Variants in NDC1 observed in about 807,000 individuals in gnomAD.
NDC1 encodes nucleoporin NDC1.
In NDC1, 24 loss-of-function variants were observed where a neutral mutation model predicts 89.8. That is an observed-to-expected ratio of 0.27 (90% CI 0.19 to 0.38). The LOEUF (loss-of-function observed/expected upper bound fraction) is 0.38. NDC1 is among the 10% of genes least tolerant of loss of function. The pLI, the probability that NDC1 is intolerant of heterozygous loss-of-function variation, is 1.00. For missense variants in NDC1, 728 were observed against 797.6 expected, an observed-to-expected ratio of 0.91 and a Z score of 1.05; for synonymous variants, 296 against 284.8, an observed-to-expected ratio of 1.04 and a Z score of -0.39.
chr1:53,796,813 A>T lies in NDC1; in HGVS notation c.1469-9T>A, dbSNP rs770178997. On this transcript the variant is annotated splice_polypyrimidine_tract_variant and intron_variant, in intron 12 of 17. Coordinates refer to ENST00000371429, the MANE Select transcript of NDC1 (RefSeq NM_018087.5). The stretch of plus-strand genomic sequence containing the variant: ...TTCAGTCATTTGCTGATCTATTTTT[A>T]AAAAAGAAAAGGCAAGATAAGAACT... 33 of 1,603,216 alleles carry T rather than the reference A, an allele frequency of 2.1e-5. No homozygotes were observed. The South Asian group carries it at 2.9e-4, about 14-fold the overall frequency.
intron 16 of NDC1, among the ~76,000 whole-genome samples, chr1:53,778,216 A>T (rs570425661): frequency 3.3e-4 from 50 of 151,768 alleles, no homozygotes; most frequent in Non-Finnish European, 5.2e-4. Flanking sequence ...TCTACCTCAG[A>T]TACCAAAAGG....
intron 7 of NDC1, 86 bp downstream of exon 7, chr1:53,809,609 A>G: frequency 9.4e-7 from 1 of 1,063,128 alleles, no homozygotes; most frequent in Non-Finnish European, 1.4e-6. Context: ...TGTTAAAGGC[A>G]AAATCTAAAC....
chr1:53,781,104 C>T (rs1233407303), intron 16 of NDC1, among the ~76,000 whole-genome samples: 1 of 152,078 alleles, frequency 6.6e-6, no homozygotes, highest in Non-Finnish European at 1.5e-5. Context: ...TATCCTCCTG[C>T]CTCAGCCTCT....
chr1:53,782,618 C>CTCTT (rs1557567183), intron 16 of NDC1, among the ~76,000 whole-genome samples: 3 of 152,312 alleles, frequency 2.0e-5, no homozygotes, highest in South Asian at 4.1e-4. Context: ...GGAGCAAGGG[C>CTCTT]TCTTACATTG....
chr1:53,827,161 G>C (rs1333065244), intron 4 of NDC1, among the ~76,000 whole-genome samples: 1 of 151,308 alleles, frequency 6.6e-6, no homozygotes. Context: ...TTATATAATA[G>C]TAGCTGGAGG....
chr1:53,814,115 A>G (rs1455722045), intron 6 of NDC1, among the ~76,000 whole-genome samples: 1 of 152,208 alleles, frequency 6.6e-6, no homozygotes, highest in Non-Finnish European at 1.5e-5. Context: ...GCACTTTGGG[A>G]GGCCAAGGCG....
chr1:53,775,109 T>C (rs866683650), intron 16 of NDC1, among the ~76,000 whole-genome samples: 1 of 152,228 alleles, frequency 6.6e-6, no homozygotes, highest in Non-Finnish European at 1.5e-5. Context: ...GTATCTCTAA[T>C]AGGTTCTAGC....
chr1:53,804,601 C>T (rs1486439106), intron 9 of NDC1, among the ~76,000 whole-genome samples: 4 of 152,200 alleles, frequency 2.6e-5, no homozygotes, highest in East Asian at 1.9e-4. Context: ...CTCAGCCTCC[C>T]GAGTGGCTGG....
intron 17 of NDC1, among the ~76,000 whole-genome samples, chr1:53,770,648 A>G (rs1647104758): frequency 6.6e-6 from 1 of 150,498 alleles, no homozygotes; most frequent in Non-Finnish European, 1.5e-5. Context: ...TCAGTCATCT[A>G]TATCTCTTTT....
chr1:53,807,761 A>C lies in NDC1; in HGVS notation c.786T>G (p.Ser262Arg). Residue 262 changes from serine to arginine, a missense_variant, in exon 8 of 18, where the codon AGT (serine) becomes AGG (arginine). Coordinates refer to ENST00000371429, the MANE Select transcript of NDC1 (RefSeq NM_018087.5). ...EQVHRPLDTV[S>R]GLLNLSLLYH... The stretch of plus-strand genomic sequence containing the variant: ...AGAGTAACGAGAGATTTAAGAGGCC[A>C]CTCACTGTGTCAAGTGGCCTATGAA... 6.2e-7 allele frequency: 1 copy of C among 1,613,288 alleles called. No individual in the cohort carries two copies. The highest frequency in any genetic ancestry group is 8.5e-7 in the Non-Finnish European group (1 of 1,179,750).
rs188032699 is a variant in NDC1 at position 53,831,142 on chromosome 1, G to A, written c.280+1348C>T. Reference sequence around the variant, plus strand: ...TGGGAGGCTGAGGCGGGAGAACGGCGTGAACCTAGGAGGCAGAGCTTGCAG... The same window carrying A: ...TGGGAGGCTGAGGCGGGAGAACGGCATGAACCTAGGAGGCAGAGCTTGCAG... On this transcript the variant is annotated intron_variant, in intron 3 of 17. Coordinates refer to ENST00000371429, the MANE Select transcript of NDC1 (RefSeq NM_018087.5). 4.1e-5 allele frequency among the ~76,000 whole-genome samples: 6 copies of A among 147,480 alleles called. No individual in the cohort carries two copies. In the East Asian group the frequency reaches 8.5e-4, roughly 21 times the overall value.
intron 14 of NDC1, among the ~76,000 whole-genome samples, chr1:53,790,302 T>A (rs1261368764): frequency 6.7e-6 from 1 of 148,172 alleles, no homozygotes; most frequent in East Asian, 2.0e-4. Flanking sequence ...GAGGCAGAGG[T>A]TGTAATGAGC....
At chr1:53,814,023 T>G (rs868817345) in intron 6 of NDC1, among the ~76,000 whole-genome samples, 2 of 152,210 alleles carry the variant, frequency 1.3e-5, no homozygotes, top group African/African-American at 2.4e-5. Flanking sequence ...TGCTCCTGAA[T>G]GAGCACTGGG....
intron 6 of NDC1, among the ~76,000 whole-genome samples, chr1:53,812,402 T>C (rs950969578): frequency 1.3e-5 from 2 of 151,994 alleles, no homozygotes; most frequent in African/African-American, 4.8e-5. Context: ...TAGAAATAGA[T>C]AGCTTAAAGA....
chr1:53,786,798 A>G lies in NDC1; in HGVS notation c.1800+360T>C, dbSNP rs566964757. On this transcript the variant is annotated intron_variant, in intron 16 of 17. Coordinates refer to ENST00000371429, the MANE Select transcript of NDC1 (RefSeq NM_018087.5). ...CTGCAGCCTCAAACTCCTGGCTCCA[A>G]CGATCCTCCCACCTCGGGCTCCTGA... 6.7e-4 allele frequency among the ~76,000 whole-genome samples: 102 copies of G among 152,226 alleles called. 1 individual carries two copies. Among genetic ancestry groups the G allele is most frequent in the Admixed American group, 1.4e-3 (21 of 15,284 alleles).
intron 16 of NDC1, among the ~76,000 whole-genome samples, chr1:53,773,135 AAT>A (rs1353626395): frequency 6.6e-6 from 1 of 152,116 alleles, no homozygotes; most frequent in Admixed American, 6.6e-5. Flanking sequence ...ACTTTACAGA[AAT>A]AGTTATTCAC....
At chr1:53,789,041 A>C (rs1647399885) in intron 15 of NDC1, 92 bp downstream of exon 15, 3 of 807,954 alleles carry the variant, frequency 3.7e-6, no homozygotes, top group Admixed American at 2.7e-5. Flanking sequence ...TCAAAGACTG[A>C]AATCAAGGAC....
chr1:53,799,755 T>C (rs1417106901), intron 11 of NDC1, among the ~76,000 whole-genome samples: 1 of 152,128 alleles, frequency 6.6e-6, no homozygotes, highest in Non-Finnish European at 1.5e-5. Context: ...ACCCAGCCAG[T>C]TTCATCCATT....
At chr1:53,793,117 G>C (rs950806089) in intron 14 of NDC1, 112 bp downstream of exon 14, 3 of 949,344 alleles carry the variant, frequency 3.2e-6, no homozygotes, top group Non-Finnish European at 5.0e-6. Context: ...AAGCTGCCTA[G>C]CTTGCTAGGA....
Sources: allele counts gnomAD v4.1 joint callset (sites outside exome capture counted in the v4.1 genomes callset), GRCh38; gene constraint gnomAD v4.1.1; transcripts MANE v1.5; gene names NCBI Gene and HGNC (gene_info 2026-07-23, HGNC 2026-07-21).